The following CALD1 variants were observed in gnomAD, a reference collection of about 807,000 sequenced individuals.
CALD1 encodes the protein caldesmon 1, also known as caldesmon.
Under a neutral mutation model 99.9 loss-of-function variants are expected in CALD1, and 33 were observed. The observed-to-expected ratio is 0.33, with a 90% CI of 0.25 to 0.44. The LOEUF (loss-of-function observed/expected upper bound fraction) is 0.44, where lower values mean the gene tolerates loss of function less well. Ranked by LOEUF, CALD1 falls within the 20% of genes least tolerant of loss-of-function variation. The pLI, the probability that CALD1 is intolerant of heterozygous loss-of-function variation, is 1.00. For missense variants in CALD1, 861 were observed against 962.1 expected, an observed-to-expected ratio of 0.89 and a Z score of 1.39; for synonymous variants, 310 against 325.0, an observed-to-expected ratio of 0.95 and a Z score of 0.50.
chr7:134,795,453 A>G (rs1023125444), intron 1 of CALD1, among the ~76,000 whole-genome samples: 34 of 152,212 alleles, frequency 2.2e-4, no homozygotes, highest in Admixed American at 2.2e-3. Flanking sequence ...ACTGTGAGTC[A>G]ATTAAACCTC....
intron 1 of CALD1, among the ~76,000 whole-genome samples, chr7:134,792,533 C>T (rs1372316293): frequency 1.3e-5 from 2 of 152,020 alleles, no homozygotes; most frequent in Non-Finnish European, 2.9e-5. Context: ...GTCAGGTGAT[C>T]TGCCTGCCTT....
At chr7:134,897,404 A>T (rs1198886558) in intron 3 of CALD1, among the ~76,000 whole-genome samples, 1 of 148,712 alleles carries the variant, frequency 6.7e-6, no homozygotes, top group East Asian at 1.9e-4. Context: ...ATATATATAT[A>T]TTTGAAGCAA....
At chr7:134,941,694 G>A (rs913845008) in intron 7 of CALD1, among the ~76,000 whole-genome samples, 7 of 152,126 alleles carry the variant, frequency 4.6e-5, no homozygotes, top group Admixed American at 2.6e-4. Context: ...GTTTTGTGGC[G>A]AAATACTTGG....
intron 3 of CALD1, among the ~76,000 whole-genome samples, chr7:134,891,011 C>A (rs1223957715): frequency 6.6e-6 from 1 of 152,186 alleles, no homozygotes; most frequent in African/African-American, 2.4e-5. Context: ...CCACCTACAC[C>A]AATGCTAATT....
chr7:134,804,217 T>G (rs1225021065), intron 1 of CALD1, among the ~76,000 whole-genome samples: 1 of 152,214 alleles, frequency 6.6e-6, no homozygotes, highest in Admixed American at 6.5e-5. Flanking sequence ...TATGAATACT[T>G]CATAGCTTAC....
At chr7:134,777,232 C>G (rs1286161583), upstream of CALD1, among the ~76,000 whole-genome samples, 5 of 151,888 alleles carry the variant, frequency 3.3e-5, no homozygotes, top group African/African-American at 1.2e-4. Flanking sequence ...TTTTCAATAT[C>G]ATGGTACACA....
chr7:134,860,695 T>G (rs1206358548), intron 2 of CALD1, among the ~76,000 whole-genome samples: 1 of 152,200 alleles, frequency 6.6e-6, no homozygotes, highest in Non-Finnish European at 1.5e-5. Context: ...AAAATACTAA[T>G]ACAAATATTT....
In CALD1 at chr7:134,825,129, G is replaced by A. The variant is rs1798937477; in HGVS notation, c.-129-18755G>A. The stretch of plus-strand genomic sequence containing the variant: ...ATGGAAAGAGGTTTTTCTATTATTT[G>A]ACCTAAAATGATCACTTCAAAGCTT... On this transcript the variant is annotated intron_variant, in intron 1 of 14. Coordinates refer to ENST00000361675, the MANE Select transcript of CALD1 (RefSeq NM_033138.4). Among the ~76,000 whole-genome samples the A allele has an allele frequency of 2.6e-5, 4 of 152,198 alleles. No homozygotes were observed. In the South Asian group the frequency reaches 8.3e-4, roughly 32 times the overall value.
chr7:134,755,067 C>A (rs1021950312), intron 1 of CALD1, among the ~76,000 whole-genome samples: 1 of 152,070 alleles, frequency 6.6e-6, no homozygotes, highest in Non-Finnish European at 1.5e-5. Flanking sequence ...GTGGCCCAAT[C>A]TGGGCTCACT....
At chr7:134,887,223 T>C (rs1801895755) in intron 3 of CALD1, among the ~76,000 whole-genome samples, 1 of 152,082 alleles carries the variant, frequency 6.6e-6, no homozygotes. Flanking sequence ...GACAGAGCAA[T>C]ATAGTTTAAG....
the CALD1 span, among the ~76,000 whole-genome samples, chr7:134,718,713 A>G: frequency 2.6e-5 from 4 of 152,100 alleles, no homozygotes; most frequent in African/African-American, 9.7e-5. Context: ...GACGTTGGCT[A>G]CTGCTGTTGT....
intron 3 of CALD1, among the ~76,000 whole-genome samples, chr7:134,868,616 C>T (rs1188003401): frequency 2.0e-5 from 3 of 152,106 alleles, no homozygotes; most frequent in Non-Finnish European, 4.4e-5. Context: ...GACACTTTAA[C>T]GATACCACAG....
the CALD1 span, among the ~76,000 whole-genome samples, chr7:134,736,474 A>T: frequency 1.3e-5 from 2 of 152,196 alleles, no homozygotes; most frequent in Non-Finnish European, 2.9e-5. Context: ...CTTCTCAGCA[A>T]TAGGACCTCT....
intron 2 of CALD1, among the ~76,000 whole-genome samples, chr7:134,850,082 C>A (rs891895221): frequency 2.0e-5 from 3 of 152,122 alleles, no homozygotes; most frequent in Non-Finnish European, 4.4e-5. Flanking sequence ...CTAAAGTGAA[C>A]CCCACTTAAG....
At chr7:134,719,600 G>A in the CALD1 span, among the ~76,000 whole-genome samples, 4 of 152,192 alleles carry the variant, frequency 2.6e-5, no homozygotes, top group Admixed American at 6.5e-5. Flanking sequence ...TAGTTTGCGA[G>A]GGGGGATAGG....
At chr7:134,742,763 T>A (rs908883613), upstream of CALD1, among the ~76,000 whole-genome samples, 10 of 152,242 alleles carry the variant, frequency 6.6e-5, no homozygotes, top group Admixed American at 2.0e-4. Flanking sequence ...CCCTTTGCCC[T>A]GTCTCCACTG....
intron 7 of CALD1, among the ~76,000 whole-genome samples, chr7:134,947,120 G>A (rs535640950): frequency 6.6e-6 from 1 of 152,228 alleles, no homozygotes; most frequent in Admixed American, 6.5e-5. Context: ...CTATGAACAC[G>A]GGTATACAAA....
intron 4 of CALD1, among the ~76,000 whole-genome samples, chr7:134,930,993 T>G (rs755703670): frequency 1.1e-4 from 16 of 152,208 alleles, no homozygotes; most frequent in South Asian, 6.2e-4. Context: ...TTACTGGTGA[T>G]CTGTAGTTTT....
chr7:134,767,930 T>C (rs1796841277), intron 1 of CALD1, among the ~76,000 whole-genome samples: 1 of 152,254 alleles, frequency 6.6e-6, no homozygotes, highest in South Asian at 2.1e-4. Context: ...AACAAATGAA[T>C]AGCTGAGAAA....
Sources: gnomAD v4.1 joint callset for allele counts (sites outside exome capture counted in the v4.1 genomes callset) on GRCh38, gnomAD v4.1.1 for gene constraint, MANE v1.5 for transcripts, NCBI Gene and HGNC (gene_info 2026-07-23, HGNC 2026-07-21) for gene names.